HDAC9: variants seen among roughly 807,000 people sequenced by gnomAD.
HDAC9 encodes MEF-2 interacting transcription repressor (MITR) protein.
In HDAC9, 41 loss-of-function variants were observed where a neutral mutation model predicts 139.4. That is an observed-to-expected ratio of 0.29 (90% CI 0.23 to 0.38). The LOEUF (loss-of-function observed/expected upper bound fraction) is 0.38. Among genes scored for constraint, HDAC9 ranks in the 10% least tolerant of loss-of-function variants. HDAC9 has a pLI of 1.00. For missense variants in HDAC9, 1,147 were observed against 1,297.0 expected (o/e 0.88, Z 1.78); for synonymous variants, 517 against 476.2 (o/e 1.09, Z -1.12).
In HDAC9 at chr7:18,154,421, T is replaced by C. The variant is rs568799433; in HGVS notation, c.-96-7808T>C. Reference sequence around the variant, plus strand: ...CTCTGTGCCACAGTGAGAGGCACTATGTGTCACTGTTTTCTCTTGGGATGA... The same window carrying C: ...CTCTGTGCCACAGTGAGAGGCACTACGTGTCACTGTTTTCTCTTGGGATGA... On this transcript the variant is annotated intron_variant, in intron 1 of 12. Transcript: ENST00000417496. 1.4e-4 allele frequency among the ~76,000 whole-genome samples: 21 copies of C among 152,350 alleles called. No individual in the cohort carries two copies. The South Asian group carries it at 4.4e-3, about 32-fold the overall frequency.
chr7:18,132,913 T>C (rs1366882613), intron 1 of HDAC9, among the ~76,000 whole-genome samples: 1 of 152,170 alleles, frequency 6.6e-6, no homozygotes, highest in Non-Finnish European at 1.5e-5. Flanking sequence ...TTGATTTTAC[T>C]TTTGTATAGC....
chr7:18,864,914 T>C (rs2129237729), intron 21 of HDAC9, among the ~76,000 whole-genome samples: 1 of 152,330 alleles, frequency 6.6e-6, no homozygotes, highest in Admixed American at 6.5e-5. Context: ...AGTAGTACAT[T>C]TTATTTAATG....
At chr7:18,668,983 C>A in intron 12 of HDAC9, 1 of 687,842 alleles carries the variant, frequency 1.5e-6, no homozygotes, top group Non-Finnish European at 1.8e-6. Flanking sequence ...GCAGTTACAT[C>A]TAATACCATT....
chr7:18,771,870 G>A (rs1389137907), intron 16 of HDAC9, among the ~76,000 whole-genome samples: 1 of 152,036 alleles, frequency 6.6e-6, no homozygotes, highest in African/African-American at 2.4e-5. Flanking sequence ...GATTTAGGAT[G>A]GTCATCTTTG....
intron 12 of HDAC9, among the ~76,000 whole-genome samples, chr7:18,713,985 CTA>C (rs1287750877): frequency 2.6e-5 from 4 of 152,144 alleles, no homozygotes; most frequent in Admixed American, 6.6e-5. Flanking sequence ...ATACCTGATA[CTA>C]TGAACGTTTA....
chr7:18,867,653 T>A (rs777922318), intron 21 of HDAC9, among the ~76,000 whole-genome samples: 13 of 152,146 alleles, frequency 8.5e-5, no homozygotes, highest in African/African-American at 1.7e-4. Flanking sequence ...GTGTATTTTT[T>A]AAAAAAATAC....
intron 21 of HDAC9, among the ~76,000 whole-genome samples, chr7:18,837,972 G>C (rs1358999539): frequency 6.6e-6 from 1 of 152,076 alleles, no homozygotes; most frequent in Admixed American, 6.6e-5. Context: ...AGTTTCATTA[G>C]AGAAGTGGCA....
chr7:18,563,726 C>CA (rs1255662620), intron 2 of HDAC9, among the ~76,000 whole-genome samples: 1 of 91,838 alleles, frequency 1.1e-5, no homozygotes, highest in Non-Finnish European at 2.8e-5. Flanking sequence ...AACCACCCAA[C>CA]CCCCCCCATG....
At chr7:18,141,138 A>C (rs947203353) in intron 1 of HDAC9, among the ~76,000 whole-genome samples, 1 of 152,172 alleles carries the variant, frequency 6.6e-6, no homozygotes, top group Non-Finnish European at 1.5e-5. Flanking sequence ...TTGTTCTGTA[A>C]TGAGTGTTTT....
chr7:18,120,453 C>T (rs1002420188), intron 1 of HDAC9, among the ~76,000 whole-genome samples: 2 of 152,150 alleles, frequency 1.3e-5, no homozygotes, highest in Non-Finnish European at 2.9e-5. Flanking sequence ...CATTCCATTC[C>T]AGTCTGTAAA....
At chr7:18,201,199 G>T (rs1791093839) in intron 2 of HDAC9, among the ~76,000 whole-genome samples, 1 of 151,972 alleles carries the variant, frequency 6.6e-6, no homozygotes, top group Admixed American at 6.6e-5. Context: ...TGTACCTCTG[G>T]GTAGTTTTCC....
intron 25 of HDAC9, among the ~76,000 whole-genome samples, chr7:18,981,337 G>A (rs1784936782): frequency 6.6e-6 from 1 of 152,292 alleles, no homozygotes; most frequent in South Asian, 2.1e-4. Flanking sequence ...CAGATAAAGT[G>A]TTAGGGGCCA....
chr7:18,548,768 CA>C (rs1816087977), intron 2 of HDAC9, among the ~76,000 whole-genome samples: 1 of 151,980 alleles, frequency 6.6e-6, no homozygotes, highest in Non-Finnish European at 1.5e-5. Context: ...AGTAAGCACA[CA>C]AAAATGTAAT....
chr7:18,942,134 G>T (rs907445933), intron 23 of HDAC9, among the ~76,000 whole-genome samples: 1 of 151,940 alleles, frequency 6.6e-6, no homozygotes, highest in African/African-American at 2.4e-5. Context: ...CATGTATTTT[G>T]TGCCCAAAAG....
intron 2 of HDAC9, among the ~76,000 whole-genome samples, chr7:18,249,518 A>C (rs946280502): frequency 1.1e-4 from 14 of 129,646 alleles, no homozygotes; most frequent in African/African-American, 2.1e-4. Flanking sequence ...AAAAAAAAAA[A>C]AAAAACAAAA....
intron 1 of HDAC9, among the ~76,000 whole-genome samples, chr7:18,474,135 A>G (rs1383327227): frequency 2.6e-5 from 4 of 152,184 alleles, no homozygotes; most frequent in Non-Finnish European, 5.9e-5. Context: ...ATCTCTCTCA[A>G]CTTTTCTATG....
intron 2 of HDAC9, among the ~76,000 whole-genome samples, chr7:18,524,482 C>T (rs1406999082): frequency 6.6e-6 from 1 of 152,012 alleles, no homozygotes; most frequent in African/African-American, 2.4e-5. Flanking sequence ...AGTAGTTTGT[C>T]CACGTAAAGA....
intron 17 of HDAC9, among the ~76,000 whole-genome samples, chr7:18,810,805 A>ATAC (rs1197841591): frequency 1.3e-5 from 2 of 151,872 alleles, no homozygotes; most frequent in African/African-American, 4.8e-5. Context: ...TTTCACTTAA[A>ATAC]ATGTTTACGT....
intron 21 of HDAC9, among the ~76,000 whole-genome samples, chr7:18,864,047 C>A (rs1273924758): frequency 2.0e-5 from 3 of 152,126 alleles, no homozygotes; most frequent in African/African-American, 7.2e-5. Context: ...AGGAAGCTTG[C>A]ACTGTTTTAC....
Sources: gnomAD v4.1 joint callset for allele counts (sites outside exome capture counted in the v4.1 genomes callset) on GRCh38, gnomAD v4.1.1 for gene constraint, MANE v1.5 for transcripts, NCBI Gene and HGNC (gene_info 2026-07-23, HGNC 2026-07-21) for gene names.